Variants in NFATC2 observed in about 807,000 individuals in gnomAD.
NFATC2 encodes the protein nuclear factor of activated T cells 2.
NFATC2 carries 22 observed loss-of-function variants against 87.3 expected under a neutral mutation model. The ratio of observed to expected loss-of-function variants is 0.25; its 90% CI spans 0.18 to 0.36. The LOEUF is 0.36. Ranked by LOEUF, NFATC2 falls within the 10% of genes least tolerant of loss-of-function variation. The pLI is 1.00. For missense variants in NFATC2, 1,149 were observed against 1,259.1 expected (o/e 0.91, Z 1.32); for synonymous variants, 565 against 542.2 (o/e 1.04, Z -0.58).
intron 10 of NFATC2, among the ~76,000 whole-genome samples, chr20:51,395,442 G>C (rs1477453085): frequency 2.0e-5 from 3 of 150,228 alleles, no homozygotes. Context: ...TGCTTAGCCA[G>C]CAGAGAGAGG....
upstream of NFATC2, among the ~76,000 whole-genome samples, chr20:51,543,549 C>T (rs996741433): frequency 9.2e-5 from 14 of 152,076 alleles, no homozygotes; most frequent in Admixed American, 3.3e-4. Flanking sequence ...AGCCAGAGCT[C>T]GAAGGGGCTG....
intron 5 of NFATC2, among the ~76,000 whole-genome samples, chr20:51,464,892 A>G (rs375996350): frequency 1.8e-4 from 27 of 152,326 alleles, no homozygotes; most frequent in African/African-American, 6.5e-4. Flanking sequence ...TCACTTCTCC[A>G]TGCTACAGTT....
intron 3 of NFATC2, among the ~76,000 whole-genome samples, chr20:51,515,224 C>G (rs555591857): frequency 2.6e-5 from 4 of 152,116 alleles, no homozygotes; most frequent in African/African-American, 9.7e-5. Context: ...AGAGATGGTG[C>G]GAGGTTTACC....
chr20:51,400,029 C>CT (rs1420205993), intron 9 of NFATC2, among the ~76,000 whole-genome samples: 1 of 152,210 alleles, frequency 6.6e-6, no homozygotes, highest in Non-Finnish European at 1.5e-5. Context: ...AACACACATT[C>CT]TCTCTTTCCA....
At chr20:51,427,164 G>A (rs1378033624) in intron 9 of NFATC2, among the ~76,000 whole-genome samples, 2 of 152,124 alleles carry the variant, frequency 1.3e-5, no homozygotes, top group South Asian at 2.1e-4. Flanking sequence ...CTGGGCAGCT[G>A]TAGTAAGCTC....
At chr20:51,492,881 A>G (rs191756501) in intron 3 of NFATC2, among the ~76,000 whole-genome samples, 3 of 152,308 alleles carry the variant, frequency 2.0e-5, no homozygotes, top group East Asian at 3.9e-4. Context: ...TGTTCCTTTC[A>G]TGTCGCCCTG....
chr20:51,398,830 A>T (rs1245608680), intron 9 of NFATC2, 100 bp from the exon 10 acceptor site: 1 of 821,518 alleles, frequency 1.2e-6, no homozygotes, highest in Non-Finnish European at 2.0e-6. Context: ...CAAGCCCAGG[A>T]GGGAACTTAA....
At chr20:51,477,571 ATATATAT>A (rs1988857699) in intron 3 of NFATC2, among the ~76,000 whole-genome samples, 6 of 89,466 alleles carry the variant, frequency 6.7e-5, no homozygotes, top group Non-Finnish European at 9.8e-5. Context: ...ATATATATAT[ATATATAT>A]ATAAAATAAC....
chr20:51,421,380 T>A (rs990645905), intron 9 of NFATC2, among the ~76,000 whole-genome samples: 3 of 152,198 alleles, frequency 2.0e-5, no homozygotes, highest in Non-Finnish European at 4.4e-5. Context: ...GGTCCTGGAT[T>A]AATGAGCCTT....
chr20:51,402,410 C>T (rs951724489), intron 9 of NFATC2, among the ~76,000 whole-genome samples: 7 of 152,004 alleles, frequency 4.6e-5, no homozygotes, highest in African/African-American at 7.2e-5. Context: ...ATCACCACCT[C>T]GGCCCCAACC....
chr20:51,546,471 G>A (rs4811192), upstream of NFATC2, among the ~76,000 whole-genome samples: 34,702 of 152,082 alleles, frequency 0.23, 4,727 homozygotes, highest in South Asian at 0.44. Flanking sequence ...GACTCTGGGA[G>A]GTGGAGGGAT....
At chr20:51,440,007 C>T (rs1056338085) in intron 6 of NFATC2, among the ~76,000 whole-genome samples, 29 of 152,232 alleles carry the variant, frequency 1.9e-4, no homozygotes, top group Admixed American at 4.6e-4. Context: ...GAGGCCAAGG[C>T]GGGCGGATCA....
Position 51,475,421 on chromosome 20 carries a change from C to T in NFATC2, c.1535+37G>A, listed in dbSNP as rs749738026. The T allele has an allele frequency of 7.5e-6, 12 of 1,609,298 alleles. No individual in the cohort carries two copies. The South Asian group carries it at 1.2e-4, about 16-fold the overall frequency. On this transcript the variant is annotated intron_variant, in intron 4 of 10. Transcript: ENST00000371564. Reference sequence around the variant, plus strand: ...TGCCACCTGCCCCCTGCTCGCTTCTCCATGAAGACCCGCCGCCCTCAGCTC... The same window carrying T: ...TGCCACCTGCCCCCTGCTCGCTTCTTCATGAAGACCCGCCGCCCTCAGCTC...
chr20:51,404,993 G>A (rs912140043), intron 9 of NFATC2, among the ~76,000 whole-genome samples: 46 of 152,340 alleles, frequency 3.0e-4, no homozygotes, highest in African/African-American at 9.9e-4. Flanking sequence ...CTTGGGATGA[G>A]TAGACATGGT....
intron 10 of NFATC2, among the ~76,000 whole-genome samples, chr20:51,393,623 G>A (rs1031190784): frequency 7.9e-5 from 12 of 152,152 alleles, no homozygotes; most frequent in African/African-American, 2.9e-4. Flanking sequence ...GACCCTCAGT[G>A]CTCCCTGCAG....
intron 3 of NFATC2, among the ~76,000 whole-genome samples, chr20:51,481,612 C>T (rs1310179886): frequency 4.6e-5 from 7 of 152,080 alleles, no homozygotes; most frequent in South Asian, 2.1e-4. Flanking sequence ...GTGTCTGTGG[C>T]GTCTGCGGGG....
chr20:51,493,396 G>A (rs1386641956), intron 3 of NFATC2, among the ~76,000 whole-genome samples: 1 of 152,122 alleles, frequency 6.6e-6, no homozygotes, highest in Admixed American at 6.6e-5. Context: ...CATAGAATGG[G>A]GATTGGCGAC....
rs751261116 is a variant in NFATC2, at chr20:51,523,368, C to T, written c.873G>A (p.Pro291=). 9.3e-6 allele frequency: 15 copies of T among 1,611,052 alleles called. 1 individual carries two copies. The South Asian group carries it at 1.3e-4, about 14-fold the overall frequency. ...SHVAPQDHGS[P]AGYPPVAGSA... is the part of the protein sequence containing the mutation. The stretch of plus-strand genomic sequence containing the variant: ...AGCCAGCCACAGGGGGGTACCCAGC[C>T]GGGGAGCCGTGGTCCTGGGGTGCCA... The change falls in exon 2 of 11, where the codon CCG becomes CCA. Residue 291 remains proline, a synonymous_variant. Transcript: ENST00000371564. The surrounding 1 kb of genome is among the most constrained non-coding windows in gnomAD (Gnocchi z 6.9).
At position 51,552,816 on chromosome 20, in the gene NFATC2, T is replaced by A. The variant is rs184467743; in HGVS notation, c.70+9744A>T. 1.8e-3 allele frequency among the ~76,000 whole-genome samples: 281 copies of A among 152,234 alleles called. 2 individuals carry two copies. Among genetic ancestry groups the A allele is most frequent in the African/African-American group, 6.2e-3 (259 of 41,536 alleles). ...TCTGAACTAATATTTTTATTTTTTT[T>A]AATTATATATTAAGTTCTGGGATAC... On this transcript the variant is annotated intron_variant, in intron 1 of 10. Transcript: ENST00000414705.
Sources: allele counts gnomAD v4.1 joint callset (sites outside exome capture counted in the v4.1 genomes callset), GRCh38; gene constraint gnomAD v4.1.1; non-coding constraint Gnocchi (gnomAD v3.1); transcripts MANE v1.5; gene names NCBI Gene and HGNC (gene_info 2026-07-23, HGNC 2026-07-21).